Variants in FOXN3 observed in about 807,000 individuals in gnomAD.
FOXN3 encodes forkhead box N3, also known as forkhead box protein N3.
Under a neutral mutation model 38.4 loss-of-function variants are expected in FOXN3, and 7 were observed. The observed-to-expected ratio is 0.18, with a 90% confidence interval of 0.10 to 0.34. The LOEUF is 0.34. Ranked by LOEUF, FOXN3 falls within the 10% of genes least tolerant of loss-of-function variation. FOXN3 has a pLI of 1.00. For missense variants in FOXN3, 456 were observed against 613.4 expected (o/e 0.74, Z 2.71); for synonymous variants, 230 against 242.2 (o/e 0.95, Z 0.47).
At chr14:89,425,534 A>AT (rs34743828) in intron 1 of FOXN3, among the ~76,000 whole-genome samples, 9 of 147,706 alleles carry the variant, frequency 6.1e-5, no homozygotes, top group African/African-American at 2.3e-4. Context: ...TGCCCGGCTA[A>AT]TTTTTTTTTT....
chr14:89,428,348 G>T (rs528059979), intron 1 of FOXN3, among the ~76,000 whole-genome samples: 1 of 152,268 alleles, frequency 6.6e-6, no homozygotes, highest in African/African-American at 2.4e-5. Context: ...CCAAAATAGT[G>T]TATCTTGTGC....
chr14:89,223,861 A>C (rs1033139191), intron 4 of FOXN3, among the ~76,000 whole-genome samples: 14 of 145,414 alleles, frequency 9.6e-5, no homozygotes, highest in Non-Finnish European at 1.7e-4. Flanking sequence ...TCAGGTCTGT[A>C]GAATGAATTC....
intron 1 of FOXN3, among the ~76,000 whole-genome samples, chr14:89,582,026 A>G (rs1374157769): frequency 1.3e-5 from 2 of 152,198 alleles, no homozygotes; most frequent in Non-Finnish European, 2.9e-5. Flanking sequence ...TTGGGAAGGA[A>G]GGAAGAAAAT....
intron 1 of FOXN3, among the ~76,000 whole-genome samples, chr14:89,454,365 A>G (rs1253134567): frequency 6.6e-6 from 1 of 152,250 alleles, no homozygotes; most frequent in African/African-American, 2.4e-5. Flanking sequence ...AGTCCTCGCC[A>G]GGAAGCAAAA....
At chr14:89,345,185 G>T (rs1408698552) in intron 3 of FOXN3, among the ~76,000 whole-genome samples, 1 of 152,072 alleles carries the variant, frequency 6.6e-6, no homozygotes, top group Non-Finnish European at 1.5e-5. Context: ...CCCTCGTGTG[G>T]CTCAGCAGAT....
intron 3 of FOXN3, among the ~76,000 whole-genome samples, chr14:89,304,539 G>A (rs948238506): frequency 7.2e-5 from 11 of 152,106 alleles, no homozygotes; most frequent in African/African-American, 2.7e-4. Flanking sequence ...TCTAAGGGCT[G>A]TTTTTTTAGA....
At chr14:89,218,540 T>C (rs1884357614) in intron 4 of FOXN3, among the ~76,000 whole-genome samples, 1 of 152,260 alleles carries the variant, frequency 6.6e-6, no homozygotes, top group Admixed American at 6.5e-5. Flanking sequence ...AACGTATACA[T>C]TGTTCTACAG....
chr14:89,301,932 G>A (rs759786289), intron 3 of FOXN3, among the ~76,000 whole-genome samples: 13 of 151,994 alleles, frequency 8.6e-5, no homozygotes, highest in Admixed American at 2.6e-4. Context: ...CTCCTTTCCC[G>A]GTGACCTCTG....
At chr14:89,167,508 TG>T (rs1010741885) in intron 5 of FOXN3, among the ~76,000 whole-genome samples, 1 of 152,192 alleles carries the variant, frequency 6.6e-6, no homozygotes, top group Non-Finnish European at 1.5e-5. Flanking sequence ...ATGGGATTAA[TG>T]GGATTGTAGA....
intron 4 of FOXN3, among the ~76,000 whole-genome samples, chr14:89,279,739 AC>A (rs1232501943): frequency 1.3e-5 from 2 of 152,174 alleles, no homozygotes; most frequent in African/African-American, 2.4e-5. Context: ...AACTTGCCTG[AC>A]TACATTTCAC....
rs569935463 is a variant in FOXN3, at chr14:89,523,856, G to A, written c.-15+95172C>T. On this transcript the variant is annotated intron_variant, in intron 1 of 6. Coordinates refer to the FOXN3 transcript ENST00000345097. ...CAGCTCACTGCAACCTCTACCTCCC[G>A]GGTTCAAGCAATTGTCCTGCCTCAG... is the stretch of plus-strand genomic sequence containing the variant. 5.9e-5 allele frequency among the ~76,000 whole-genome samples: 9 copies of A among 151,804 alleles called. No individual in the cohort carries two copies. In the East Asian group the frequency reaches 1.6e-3, roughly 27 times the overall value.
At chr14:89,445,035 T>A (rs1013308542) in intron 1 of FOXN3, among the ~76,000 whole-genome samples, 2 of 151,740 alleles carry the variant, frequency 1.3e-5, no homozygotes, top group Admixed American at 6.6e-5. Flanking sequence ...AAATGGGAGA[T>A]CGCTTGAGCC....
At chr14:89,327,574 G>A (rs930823580) in intron 3 of FOXN3, among the ~76,000 whole-genome samples, 4 of 152,160 alleles carry the variant, frequency 2.6e-5, no homozygotes, top group Admixed American at 6.5e-5. Flanking sequence ...GAAAGTTGAT[G>A]AGGCTATTTA....
At chr14:89,334,087 T>C (rs1181564009) in intron 3 of FOXN3, among the ~76,000 whole-genome samples, 1 of 150,498 alleles carries the variant, frequency 6.6e-6, no homozygotes, top group Non-Finnish European at 1.5e-5. Flanking sequence ...AAGGAAATCC[T>C]GCCATTTTTG....
intron 3 of FOXN3, among the ~76,000 whole-genome samples, chr14:89,288,714 CTCTCTCTCTCTATATATATATA>C (rs1886746604): frequency 5.3e-4 from 32 of 60,748 alleles, no homozygotes; most frequent in African/African-American, 1.7e-3. Flanking sequence ...CTCTCTCTCT[CTCTCTCTCTCTATATATATATA>C]TATATATATA....
intron 1 of FOXN3, among the ~76,000 whole-genome samples, chr14:89,473,667 C>T (rs1319461720): frequency 1.3e-5 from 2 of 152,172 alleles, no homozygotes; most frequent in Admixed American, 1.3e-4. Context: ...CACAGTTGGC[C>T]TCCACGACAC....
At chr14:89,290,503 A>G in intron 3 of FOXN3, 5 of 495,546 alleles carry the variant, frequency 1.0e-5, no homozygotes, top group Non-Finnish European at 2.0e-5. Context: ...ACTGGAATGG[A>G]GTTTACTTTC....
chr14:89,537,454 T>TGGAC (rs1894712170), intron 1 of FOXN3, among the ~76,000 whole-genome samples: 1 of 151,718 alleles, frequency 6.6e-6, no homozygotes, highest in Non-Finnish European at 1.5e-5. Flanking sequence ...GATGGATGGA[T>TGGAC]GGATGGATGG....
At chr14:89,505,928 C>G (rs1476207700) in intron 1 of FOXN3, among the ~76,000 whole-genome samples, 1 of 149,490 alleles carries the variant, frequency 6.7e-6, no homozygotes, top group Admixed American at 6.6e-5. Flanking sequence ...CCGGCCGCCC[C>G]GTCTGAGAAG....
Sources: gnomAD v4.1 joint callset for allele counts (sites outside exome capture counted in the v4.1 genomes callset) on GRCh38, gnomAD v4.1.1 for gene constraint, MANE v1.5 for transcripts, NCBI Gene and HGNC (gene_info 2026-07-23, HGNC 2026-07-21) for gene names.